Variants in CABIN1 observed in about 807,000 individuals in gnomAD.
The protein encoded by CABIN1 is calcineurin binding protein 1.
Under a neutral mutation model 227.7 loss-of-function variants are expected in CABIN1, and 133 were observed. That is an observed-to-expected ratio of 0.58 (90% CI 0.51 to 0.67). The LOEUF (loss-of-function observed/expected upper bound fraction) is 0.67, where lower values mean the gene tolerates loss of function less well. CABIN1 is among the 30% of genes least tolerant of loss of function. CABIN1 has a pLI of 0.00. For synonymous variants in CABIN1, 1,086 were observed against 1,155.1 expected (o/e 0.94, Z 1.21); for missense variants, 2,408 against 2,852.5 (o/e 0.84, Z 3.55).
intron 4 of CABIN1, among the ~76,000 whole-genome samples, chr22:24,039,750 G>T (rs543198470): frequency 6.6e-6 from 1 of 152,346 alleles, no homozygotes; most frequent in African/African-American, 2.4e-5. Flanking sequence ...AGCCTTAAAA[G>T]GTTGTTTCAG....
Position 24,135,257 on chromosome 22 carries a change from G to T in CABIN1, c.4746+842G>T, listed in dbSNP as rs6004067. Among the ~76,000 whole-genome samples, 1,165 of 151,504 alleles carry T rather than the reference G, an allele frequency of 7.7e-3. 19 individuals are homozygous for T. The highest frequency in any genetic ancestry group is 0.027 in the African/African-American group (1,105 of 41,268). On this transcript the variant is annotated intron_variant, in intron 29 of 36. Coordinates refer to ENST00000263119, the MANE Select transcript of CABIN1 (RefSeq NM_012295.4). ...ATACAAAAATTAGCTGGGCATGGTG[G>T]CAGGCACCTGTAATCCCAGCTACTC... is the stretch of plus-strand genomic sequence containing the variant.
At position 24,134,173 on chromosome 22, in the gene CABIN1, C is replaced by A; in HGVS notation, c.4633-129C>A. 5.7e-6 allele frequency: 4 copies of A among 699,070 alleles called. 1 individual carries two copies. Among genetic ancestry groups the A allele is most frequent in the Non-Finnish European group, 1.0e-5 (4 of 383,668 alleles). 43.3% of individuals were successfully genotyped at this position (699,070 alleles called of 1,614,324 possible). A position where few individuals can be genotyped will look rare whatever the true frequency, so the allele number is the denominator to read the frequency against. On this transcript the variant is annotated intron_variant, in intron 28 of 36. Coordinates refer to ENST00000263119, the MANE Select transcript of CABIN1 (RefSeq NM_012295.4). ...CCAGAGCAGCCTGGAGCTGTGGAATCGATGTCTGCAGGAACTGCTGCTCAT... is the reference window on the plus strand; with the variant it reads ...CCAGAGCAGCCTGGAGCTGTGGAATAGATGTCTGCAGGAACTGCTGCTCAT...
At chr22:24,127,857 T>C (rs1287358964) in intron 28 of CABIN1, among the ~76,000 whole-genome samples, 1 of 151,938 alleles carries the variant, frequency 6.6e-6, no homozygotes, top group Non-Finnish European at 1.5e-5. Flanking sequence ...AGAACAGTTG[T>C]ATATATATGA....
intron 6 of CABIN1, among the ~76,000 whole-genome samples, chr22:24,047,756 C>CT (rs761609379): frequency 6.6e-6 from 1 of 152,262 alleles, no homozygotes; most frequent in Non-Finnish European, 1.5e-5. Context: ...TGGTTTTCCT[C>CT]TGTGTGTTGC....
chr22:24,091,335 G>C lies in CABIN1; in HGVS notation c.3526-248G>C, dbSNP rs778433700. On this transcript the variant is annotated intron_variant, in intron 23 of 36. Coordinates refer to ENST00000263119, the MANE Select transcript of CABIN1 (RefSeq NM_012295.4). ...GGGGGAAAGCAGAAAAAAGTACCCTGGTTGACATGGGGTGACCTGAGTTTA... is the reference window on the plus strand; with the variant it reads ...GGGGGAAAGCAGAAAAAAGTACCCTCGTTGACATGGGGTGACCTGAGTTTA... Among the ~76,000 whole-genome samples, 24 of 152,176 alleles carry C rather than the reference G, an allele frequency of 1.6e-4. 1 individual carries two copies. Among genetic ancestry groups the C allele is most frequent in the Non-Finnish European group, 3.1e-4 (21 of 68,018 alleles).
chr22:24,160,046 T>G (rs2046058240), intron 29 of CABIN1, among the ~76,000 whole-genome samples: 1 of 152,134 alleles, frequency 6.6e-6, no homozygotes, highest in South Asian at 2.1e-4. Flanking sequence ...GGAAGAGACT[T>G]GAGGTGGGCG....
At chr22:24,065,219 G>C (rs2039545340) in intron 15 of CABIN1, among the ~76,000 whole-genome samples, 1 of 151,590 alleles carries the variant, frequency 6.6e-6, no homozygotes, top group African/African-American at 2.4e-5. Context: ...CGGGGCGGCT[G>C]CCGGTTGGAG....
chr22:24,095,843 G>A, intron 24 of CABIN1, 88 bp from the exon 25 acceptor site: 2 of 1,444,442 alleles, frequency 1.4e-6, no homozygotes, highest in East Asian at 2.3e-5. Context: ...CCCTGGTCAT[G>A]GGCCCATTTC....
intron 29 of CABIN1, among the ~76,000 whole-genome samples, chr22:24,137,150 C>T (rs929493239): frequency 6.6e-6 from 1 of 152,176 alleles, no homozygotes; most frequent in South Asian, 2.1e-4. Flanking sequence ...TTCCCTCCCT[C>T]CCTCTCTTCC....
At chr22:24,036,224 T>C in intron 3 of CABIN1, 43 bp downstream of exon 3, 1 of 1,335,608 alleles carries the variant, frequency 7.5e-7, no homozygotes, top group African/African-American at 1.4e-5. Flanking sequence ...CCTTCTCATT[T>C]CTATAGAGGG....
chr22:24,052,808 TA>T (rs1310460427), intron 8 of CABIN1, among the ~76,000 whole-genome samples: 1 of 150,714 alleles, frequency 6.6e-6, no homozygotes, highest in African/African-American at 2.4e-5. Flanking sequence ...AAAAAAAAAT[TA>T]AAAAATAAAA....
chr22:24,145,339 C>G (rs1188089779), intron 29 of CABIN1, among the ~76,000 whole-genome samples: 5 of 152,106 alleles, frequency 3.3e-5, no homozygotes, highest in African/African-American at 1.2e-4. Context: ...CCTCAGGGCT[C>G]CAAAGTGCTG....
At chr22:24,160,594 GCT>G in intron 29 of CABIN1, among the ~76,000 whole-genome samples, 1 of 152,366 alleles carries the variant, frequency 6.6e-6, no homozygotes, top group South Asian at 2.1e-4. Flanking sequence ...GTTGGCCCTG[GCT>G]GAGTGAAAGG....
At chr22:24,091,923 G>T (rs2041569800) in intron 24 of CABIN1, 80 bp downstream of exon 24, 3 of 1,566,668 alleles carry the variant, frequency 1.9e-6, no homozygotes, top group South Asian at 2.3e-5. Context: ...TGTGGCTCAA[G>T]GTTCCAGTGA....
chr22:24,025,180 T>G (rs2035991796), intron 1 of CABIN1, among the ~76,000 whole-genome samples: 1 of 152,212 alleles, frequency 6.6e-6, no homozygotes, highest in Non-Finnish European at 1.5e-5. Flanking sequence ...TCTGACTTTT[T>G]CTTGTTGAGG....
chr22:24,019,650 C>CTTTTTTTT (rs34361694), intron 1 of CABIN1, among the ~76,000 whole-genome samples: 13 of 87,020 alleles, frequency 1.5e-4, no homozygotes, highest in Admixed American at 2.7e-4. Context: ...TTTCTTTACC[C>CTTTTTTTT]TTTTTTTTTT....
chr22:24,177,594 C>T lies in CABIN1; in HGVS notation c.6296C>T (p.Ala2099Val), dbSNP rs777354520. 1.2e-6 allele frequency: 2 copies of T among 1,608,842 alleles called. No homozygotes were observed. Among genetic ancestry groups the T allele is most frequent in the South Asian group, 2.2e-5 (2 of 90,830 alleles). ...TQPLSSPPTA[A>V]SSKAPSSGSA... ...CCCCTGAGCTCTCCCCCAACAGCTG[C>T]CAGCTCCAAGGCCCCCAGCAGTGGG... The change falls in exon 36 of 37, where the codon GCC (alanine) becomes GTC (valine). Residue 2099 changes from alanine to valine, a missense_variant. This residue lies in a region of CABIN1 where 714 missense variants were observed against 773.8 expected (regional missense o/e 0.92). Transcript: ENST00000263119. The surrounding 1 kb of genome is among the most constrained non-coding windows in gnomAD (Gnocchi z 4.4).
chr22:24,125,506 G>T (rs933059080), intron 28 of CABIN1, among the ~76,000 whole-genome samples: 4 of 152,194 alleles, frequency 2.6e-5, no homozygotes, highest in Non-Finnish European at 5.9e-5. Context: ...GCAGGTGTGA[G>T]GGCCTGCTGT....
chr22:24,087,430 G>C, intron 22 of CABIN1, 22 bp from the exon 23 acceptor site: 2 of 1,612,676 alleles, frequency 1.2e-6, no homozygotes, highest in East Asian at 2.2e-5. Context: ...GTTTTTAGCT[G>C]GTGCTTTTGT....
Sources: gnomAD v4.1 joint callset for allele counts (sites outside exome capture counted in the v4.1 genomes callset) on GRCh38, gnomAD v4.1.1 for gene constraint, gnomAD v4.1.1 regional missense constraint, Gnocchi (gnomAD v3.1) non-coding constraint, MANE v1.5 for transcripts, NCBI Gene and HGNC (gene_info 2026-07-23, HGNC 2026-07-21) for gene names.